Variants in CGNL1 observed in about 807,000 individuals in gnomAD.
The protein encoded by CGNL1 is cingulin-like protein 1.
CGNL1 carries 132 observed loss-of-function variants against 141.2 expected under a neutral mutation model. The ratio of observed to expected loss-of-function variants is 0.93; its 90% CI spans 0.81 to 1.08. The LOEUF (loss-of-function observed/expected upper bound fraction) is 1.08. CGNL1 is among the 50% of genes least tolerant of loss of function. CGNL1 has a pLI of 0.00. For missense variants in CGNL1, 1,870 were observed against 1,588.6 expected, an observed-to-expected ratio of 1.18 and a Z score of -3.01; for synonymous variants, 690 against 622.1, an observed-to-expected ratio of 1.11 and a Z score of -1.63.
chr15:57,529,559 AACACACACACACACACACACACACACAC>A (rs10593466), intron 13 of CGNL1, among the ~76,000 whole-genome samples: 17 of 137,924 alleles, frequency 1.2e-4, no homozygotes, highest in African/African-American at 4.0e-4. Flanking sequence ...AACCCCCAGA[AACACACACACACACACACACACACACAC>A]ACACACACAC....
intron 1 of CGNL1, among the ~76,000 whole-genome samples, chr15:57,405,785 TC>T (rs2062710994): frequency 2.7e-5 from 1 of 37,678 alleles, no homozygotes; most frequent in Non-Finnish European, 6.5e-5. Flanking sequence ...TTTCTTTCTT[TC>T]TTTCTTTCTT....
At chr15:57,508,111 C>T (rs1296738054) in intron 8 of CGNL1, among the ~76,000 whole-genome samples, 1 of 151,972 alleles carries the variant, frequency 6.6e-6, no homozygotes, top group Non-Finnish European at 1.5e-5. Flanking sequence ...TGATGAATAC[C>T]CTCTACTTCT....
At chr15:57,471,574 C>A (rs534254884) in intron 8 of CGNL1, among the ~76,000 whole-genome samples, 3 of 152,188 alleles carry the variant, frequency 2.0e-5, no homozygotes, top group Admixed American at 6.5e-5. Flanking sequence ...GGAGGTAATG[C>A]GCTGGAAGCA....
In CGNL1 at chr15:57,378,363, GTTTTTTTTTTTTTTTT is replaced by G. The variant is rs71116514; in HGVS notation, c.-16+1816_-16+1831del. On this transcript the variant is annotated intron_variant, in intron 1 of 18. Transcript: ENST00000281282. ...TTTCTTAGGGGGTGGCCCTCTATGTGTTTTTTTTTTTTTTTTTTTTTTTTTTTTTTTTTTTGAGACA... is the reference window on the plus strand; with the variant it reads ...TTTCTTAGGGGGTGGCCCTCTATGTGTTTTTTTTTTTTTTTTTTTGAGACA... Among the ~76,000 whole-genome samples the G allele has an allele frequency of 8.6e-3, 291 of 33,970 alleles. 4 individuals are homozygous for G. Among genetic ancestry groups the G allele is most frequent in the South Asian group, 0.013 (10 of 756 alleles). The allele number at this position is 33,970 out of a possible 152,430, so 22.3% of individuals were successfully genotyped here.
intron 8 of CGNL1, among the ~76,000 whole-genome samples, chr15:57,513,253 G>T (rs867164084): frequency 1.5e-5 from 2 of 133,892 alleles, no homozygotes; most frequent in South Asian, 2.6e-4. Flanking sequence ...TGTCAATATG[G>T]GTGTGTGTGT....
intron 1 of CGNL1, among the ~76,000 whole-genome samples, chr15:57,382,586 T>C (rs997134679): frequency 7.9e-5 from 12 of 152,218 alleles, no homozygotes; most frequent in African/African-American, 2.9e-4. Flanking sequence ...ACTTATCTCT[T>C]TGCTGGAAGA....
chr15:57,475,748 G>A (rs1311139047), intron 8 of CGNL1, among the ~76,000 whole-genome samples: 2 of 152,018 alleles, frequency 1.3e-5, no homozygotes, highest in Non-Finnish European at 2.9e-5. Context: ...CTCTCTCACT[G>A]GATTCTCTGC....
At chr15:57,437,619 C>CAAAAAAAAAAA (rs540499763) in intron 1 of CGNL1, among the ~76,000 whole-genome samples, 22 of 36,076 alleles carry the variant, frequency 6.1e-4, no homozygotes, top group African/African-American at 7.1e-4. Flanking sequence ...AACTAAACAG[C>CAAAAAAAAAAA]AAAAAAAAAA....
chr15:57,485,046 A>C (rs1294697661), intron 8 of CGNL1, among the ~76,000 whole-genome samples: 3 of 150,706 alleles, frequency 2.0e-5, no homozygotes, highest in Admixed American at 6.6e-5. Context: ...TTGAGGTAGG[A>C]GCTTCGATTA....
intron 1 of CGNL1, among the ~76,000 whole-genome samples, chr15:57,416,265 T>A (rs1465819411): frequency 1.3e-5 from 2 of 151,836 alleles, no homozygotes; most frequent in Non-Finnish European, 2.9e-5. Context: ...CATGTAGGGT[T>A]GGAAACCGAC....
At chr15:57,542,273 T>C (rs571769826) in intron 14 of CGNL1, among the ~76,000 whole-genome samples, 2 of 152,350 alleles carry the variant, frequency 1.3e-5, no homozygotes, top group East Asian at 3.9e-4. Context: ...TGTCTGGGGC[T>C]GTGTGTGTAC....
intron 13 of CGNL1, among the ~76,000 whole-genome samples, chr15:57,529,559 A>C (rs901481904): frequency 2.9e-5 from 4 of 137,924 alleles, no homozygotes; most frequent in Admixed American, 7.2e-5. Context: ...AACCCCCAGA[A>C]ACACACACAC....
intron 4 of CGNL1, among the ~76,000 whole-genome samples, chr15:57,450,529 G>A (rs771246039): frequency 2.6e-5 from 4 of 152,120 alleles, no homozygotes; most frequent in Non-Finnish European, 5.9e-5. Context: ...GTTCTGCCTC[G>A]GCCTCCCAAA....
chr15:57,403,396 T>C (rs1595666424), intron 1 of CGNL1, among the ~76,000 whole-genome samples: 1 of 152,260 alleles, frequency 6.6e-6, no homozygotes, highest in Non-Finnish European at 1.5e-5. Flanking sequence ...ACATTAAACC[T>C]CCATGCAAAG....
intron 1 of CGNL1, among the ~76,000 whole-genome samples, chr15:57,424,295 A>AG (rs1391048695): frequency 1.3e-5 from 2 of 152,144 alleles, no homozygotes; most frequent in Non-Finnish European, 2.9e-5. Flanking sequence ...CTTCCCAGCG[A>AG]GGGCTTCCTT....
At chr15:57,415,684 T>G (rs1442169825) in intron 1 of CGNL1, among the ~76,000 whole-genome samples, 2 of 152,204 alleles carry the variant, frequency 1.3e-5, no homozygotes, top group African/African-American at 4.8e-5. Flanking sequence ...TGTTCCTGCT[T>G]TCACATGTCC....
chr15:57,511,352 C>T (rs1191555700), intron 8 of CGNL1, among the ~76,000 whole-genome samples: 2 of 152,218 alleles, frequency 1.3e-5, no homozygotes, highest in African/African-American at 4.8e-5. Flanking sequence ...GCACAAGATA[C>T]TATTGACCTG....
At chr15:57,399,694 G>A (rs1192105766) in intron 1 of CGNL1, among the ~76,000 whole-genome samples, 1 of 152,090 alleles carries the variant, frequency 6.6e-6, no homozygotes, top group Non-Finnish European at 1.5e-5. Flanking sequence ...TCGGAGCGGA[G>A]TATGGAATCT....
intron 8 of CGNL1, among the ~76,000 whole-genome samples, chr15:57,511,179 A>G (rs962081035): frequency 2.6e-5 from 4 of 152,224 alleles, no homozygotes; most frequent in African/African-American, 9.6e-5. Context: ...ACATAGCCCC[A>G]GTTTCCTGCC....
Sources: allele counts gnomAD v4.1 joint callset (sites outside exome capture counted in the v4.1 genomes callset), GRCh38; gene constraint gnomAD v4.1.1; transcripts MANE v1.5; gene names NCBI Gene and HGNC (gene_info 2026-07-23, HGNC 2026-07-21).